CMKLR1: variants seen among roughly 807,000 people sequenced by gnomAD.
CMKLR1 encodes the protein chemerin chemokine-like receptor 1.
CMKLR1 carries 6 observed loss-of-function variants against 8.2 expected under a neutral mutation model. The observed-to-expected ratio is 0.73, with a 90% confidence interval of 0.40 to 1.44. The LOEUF (loss-of-function observed/expected upper bound fraction) is 1.44. Ranked by LOEUF, CMKLR1 falls within the 40% of genes most tolerant of loss-of-function variation. The pLI, the probability that CMKLR1 is intolerant of heterozygous loss-of-function variation, is 0.02. For missense variants in CMKLR1, 429 were observed against 478.0 expected (o/e 0.90, Z 0.96); for synonymous variants, 178 against 181.2 (o/e 0.98, Z 0.14).
intron 2 of CMKLR1, among the ~76,000 whole-genome samples, 163 bp downstream of exon 2, chr12:108,329,832 C>T (rs1366218711): frequency 6.6e-6 from 1 of 152,172 alleles, no homozygotes; most frequent in African/African-American, 2.4e-5. Flanking sequence ...TAAACAAATC[C>T]TTTTTGAGTT....
chr12:108,325,009 C>G (rs1317203553), intron 2 of CMKLR1, among the ~76,000 whole-genome samples: 1 of 152,126 alleles, frequency 6.6e-6, no homozygotes, highest in African/African-American at 2.4e-5. Context: ...TGGAAGACCA[C>G]AGCTGGTTCA....
At chr12:108,328,318 C>G (rs953330896) in intron 2 of CMKLR1, among the ~76,000 whole-genome samples, 6 of 152,224 alleles carry the variant, frequency 3.9e-5, no homozygotes, top group Non-Finnish European at 1.5e-5. Flanking sequence ...ATGCTGATCT[C>G]CCGCATCCCT....
intron 2 of CMKLR1, among the ~76,000 whole-genome samples, chr12:108,316,429 A>G (rs1056085004): frequency 6.6e-6 from 1 of 152,204 alleles, no homozygotes; most frequent in African/African-American, 2.4e-5. Context: ...GAAAGCCAGC[A>G]GGAAGAGGAG....
At chr12:108,303,358 T>C (rs1447274923) in intron 2 of CMKLR1, among the ~76,000 whole-genome samples, 1 of 152,236 alleles carries the variant, frequency 6.6e-6, no homozygotes, top group Non-Finnish European at 1.5e-5. Flanking sequence ...CACATCTGGC[T>C]TCTCCTGCCA....
rs780264082 is a variant in CMKLR1 at position 108,291,959 on chromosome 12, A to G, written c.1004T>C (p.Val335Ala). 3.1e-6 allele frequency: 5 copies of G among 1,614,054 alleles called. No individual in the cohort carries two copies. The African/African-American group carries it at 6.7e-5, about 22-fold the overall frequency. Reference protein sequence around the residue: ...KFKVALFSRLVNALSEDTGHS... With the variant: ...KFKVALFSRLANALSEDTGHS... ...GCCTGTATCTTCACTTAGAGCATTG[A>G]CCAGGCGAGAGAAGAGGGCCACCTT... is the stretch of plus-strand genomic sequence containing the variant. Residue 335 changes from valine (V) to alanine (A), a missense_variant, in exon 4 of 4, where the codon GTC becomes GCC. By Grantham distance (64) the Val-to-Ala change is moderately conservative. Transcript: ENST00000550402.
chr12:108,300,886 A>G (rs916248907), intron 2 of CMKLR1, among the ~76,000 whole-genome samples: 1 of 152,182 alleles, frequency 6.6e-6, no homozygotes, highest in Non-Finnish European at 1.5e-5. Context: ...CATCTCGCCC[A>G]ATCCTCATGA....
At position 108,292,785 on chromosome 12, in the gene CMKLR1, G is replaced by C. The variant is rs761225810; in HGVS notation, c.178C>G (p.Leu60Val). 8.1e-6 allele frequency: 13 copies of C among 1,614,066 alleles called. No homozygotes were observed. In the African/African-American group the frequency reaches 1.7e-4, roughly 22 times the overall value. The change falls in exon 4 of 4, where the codon CTG becomes GTG. Residue 60 changes from leucine to valine, a missense_variant. Coordinates refer to ENST00000550402, the MANE Select transcript of CMKLR1 (RefSeq NM_001142343.2). ...TTGAAGGTGGCAATGATGATCACCAGACCATTGCCCAGAATCCCGAGGAAG... is the reference window on the plus strand; with the variant it reads ...TTGAAGGTGGCAATGATGATCACCACACCATTGCCCAGAATCCCGAGGAAG... ...VCFLGILGNG[L>V]VIIIATFKMK...
At chr12:108,303,132 C>T (rs573615459) in intron 2 of CMKLR1, among the ~76,000 whole-genome samples, 1 of 152,200 alleles carries the variant, frequency 6.6e-6, no homozygotes, top group Non-Finnish European at 1.5e-5. Flanking sequence ...GAGCTCCACC[C>T]GTTTTCCCCG....
rs1212388569 is a variant in CMKLR1 at position 108,291,907 on chromosome 12, G to A, written c.1056C>T (p.Ser352=). The part of the protein sequence containing the change: ...TGHSSYPSHR[S]FTKMSSMNER... ...CATTCATTGATGACATCTTGGTAAAGCTTCTATGGCTGGGGTAGGAAGAGT... is the reference window on the plus strand; with the variant it reads ...CATTCATTGATGACATCTTGGTAAAACTTCTATGGCTGGGGTAGGAAGAGT... The change falls in exon 4 of 4, where the codon AGC becomes AGT. Residue 352 remains serine, a synonymous_variant. Coordinates refer to ENST00000550402, the MANE Select transcript of CMKLR1 (RefSeq NM_001142343.2). The A allele has an allele frequency of 4.3e-6, 7 of 1,614,192 alleles. No homozygotes were observed. The highest frequency in any genetic ancestry group is 1.1e-5 in the South Asian group (1 of 91,080).
rs1383098179 is a variant in CMKLR1 at position 108,330,378 on chromosome 12, T to C, written c.-286-171A>G. On this transcript the variant is annotated intron_variant, in intron 1 of 3. Transcript: ENST00000550402. Reference sequence around the variant, plus strand: ...CCCTGCAGAACTCTGCTAAGTTGCATAATTATAAATGAATAAGTCAGTTCA... The same window carrying C: ...CCCTGCAGAACTCTGCTAAGTTGCACAATTATAAATGAATAAGTCAGTTCA... Among the ~76,000 whole-genome samples the C allele has an allele frequency of 2.0e-5, 3 of 152,222 alleles. No individual in the cohort carries two copies. In the East Asian group the frequency reaches 5.8e-4, roughly 29 times the overall value.
At chr12:108,316,490 C>A (rs1170739303) in intron 2 of CMKLR1, among the ~76,000 whole-genome samples, 1 of 152,102 alleles carries the variant, frequency 6.6e-6, no homozygotes, top group Admixed American at 6.5e-5. Flanking sequence ...GGCAAAGCAG[C>A]AAAGTGGCAG....
chr12:108,322,251 C>G (rs550021581), intron 2 of CMKLR1, among the ~76,000 whole-genome samples: 32 of 152,176 alleles, frequency 2.1e-4, no homozygotes, highest in Non-Finnish European at 3.8e-4. Context: ...GCACCCCTTA[C>G]CTGGTGCATA....
At chr12:108,305,552 G>GTA (rs1335541651) in intron 2 of CMKLR1, among the ~76,000 whole-genome samples, 3 of 152,134 alleles carry the variant, frequency 2.0e-5, no homozygotes. Flanking sequence ...TACCCTCCAG[G>GTA]GCAGAGAGAA....
intron 1 of CMKLR1, among the ~76,000 whole-genome samples, chr12:108,334,490 C>T (rs1010755880): frequency 6.6e-6 from 1 of 152,216 alleles, no homozygotes; most frequent in African/African-American, 2.4e-5. Flanking sequence ...TCACACTGTA[C>T]TTCTTCACCC....
intron 3 of CMKLR1, 112 bp downstream of exon 3, chr12:108,293,477 T>C: frequency 1.8e-6 from 2 of 1,124,016 alleles, no homozygotes; most frequent in East Asian, 5.1e-5. Flanking sequence ...GTGAACTTGA[T>C]TCCAACATGC....
intron 2 of CMKLR1, among the ~76,000 whole-genome samples, chr12:108,298,775 G>T (rs376842977): frequency 2.6e-5 from 4 of 152,226 alleles, no homozygotes; most frequent in African/African-American, 9.6e-5. Flanking sequence ...TCCAGGCCCA[G>T]CACCAAGATT....
Position 108,292,729 on chromosome 12 carries a change from G to T in CMKLR1, c.234C>A (p.Phe78Leu). The change falls in exon 4 of 4, where the codon TTC becomes TTA. Residue 78 changes from phenylalanine (F) to leucine (L), a missense_variant. Transcript: ENST00000550402. The stretch of plus-strand genomic sequence containing the variant: ...GGAAATCTGCCACTGCCAGGTTGAG[G>T]AACCAGACCATGTTCACTGTCTTCT... ...KMKKTVNMVW[F>L]LNLAVADFLF... is the part of the protein sequence containing the mutation. The T allele has an allele frequency of 6.2e-7, 1 of 1,614,162 alleles. No homozygotes were observed. The highest frequency in any genetic ancestry group is 8.5e-7 in the Non-Finnish European group (1 of 1,180,026).
At chr12:108,299,013 G>A (rs1245613442) in intron 2 of CMKLR1, among the ~76,000 whole-genome samples, 3 of 152,228 alleles carry the variant, frequency 2.0e-5, no homozygotes, top group African/African-American at 7.2e-5. Context: ...CTCCTGTCAG[G>A]GCCTCAGATG....
At chr12:108,300,637 T>C (rs886509412) in intron 2 of CMKLR1, among the ~76,000 whole-genome samples, 2 of 152,166 alleles carry the variant, frequency 1.3e-5, no homozygotes, top group Non-Finnish European at 2.9e-5. Flanking sequence ...GGCTGGACTA[T>C]TGCTCCATGA....
Sources: gnomAD v4.1 joint callset for allele counts (sites outside exome capture counted in the v4.1 genomes callset) on GRCh38, gnomAD v4.1.1 for gene constraint, MANE v1.5 for transcripts, NCBI Gene and HGNC (gene_info 2026-07-23, HGNC 2026-07-21) for gene names.